Variants in TANGO6 observed in about 807,000 individuals in gnomAD.
TANGO6 encodes transport and Golgi organization protein 6 homolog.
A neutral mutation model predicts 114.2 loss-of-function variants in TANGO6; 90 were observed. That is an observed-to-expected ratio of 0.79 (90% CI 0.66 to 0.94). The LOEUF is 0.94. TANGO6 is among the 40% of genes least tolerant of loss of function. The pLI is 0.00. For missense variants in TANGO6, 1,274 were observed against 1,315.3 expected, an observed-to-expected ratio of 0.97 and a Z score of 0.49; for synonymous variants, 477 against 509.8, an observed-to-expected ratio of 0.94 and a Z score of 0.87.
intron 14 of TANGO6, among the ~76,000 whole-genome samples, chr16:68,942,769 C>T (rs558860505): frequency 6.4e-4 from 98 of 152,200 alleles, no homozygotes; most frequent in Non-Finnish European, 9.0e-4. Context: ...GTTATCATCT[C>T]AGGCCTTTTT....
chr16:69,067,692 C>G (rs1156598176), intron 17 of TANGO6, among the ~76,000 whole-genome samples: 1 of 151,982 alleles, frequency 6.6e-6, no homozygotes, highest in Non-Finnish European at 1.5e-5. Flanking sequence ...AATCCCAGCA[C>G]TTTGGGAGGC....
intron 16 of TANGO6, chr16:69,034,847 G>T (rs1229265689): frequency 6.6e-6 from 1 of 150,392 alleles, no homozygotes; most frequent in African/African-American, 2.4e-5. Context: ...TTAACCTGTA[G>T]ATAACATTCT....
chr16:68,850,254 G>A (rs2152150247), intron 1 of TANGO6, among the ~76,000 whole-genome samples: 1 of 152,224 alleles, frequency 6.6e-6, no homozygotes, highest in African/African-American at 2.4e-5. Context: ...TTACAGGTGT[G>A]AGCCACTGCG....
At chr16:68,933,785 C>T (rs1289925033) in intron 14 of TANGO6, 1 of 152,224 alleles carries the variant, frequency 6.6e-6, no homozygotes, top group East Asian at 1.9e-4. Context: ...TATGCTGTCC[C>T]TTTAGTGGGA....
At chr16:69,076,416 G>A (rs951901932) in intron 17 of TANGO6, among the ~76,000 whole-genome samples, 5 of 151,924 alleles carry the variant, frequency 3.3e-5, no homozygotes, top group Admixed American at 2.0e-4. Flanking sequence ...ATTTACATTC[G>A]ACCAACACTG....
intron 14 of TANGO6, among the ~76,000 whole-genome samples, 191 bp downstream of exon 14, chr16:68,930,486 A>G (rs1963225320): frequency 6.6e-6 from 1 of 152,082 alleles, no homozygotes; most frequent in African/African-American, 2.4e-5. Context: ...GTCCCTATAG[A>G]GTTTCAGTGT....
At chr16:68,845,391 T>C (rs189967945) in intron 1 of TANGO6, among the ~76,000 whole-genome samples, 1 of 152,342 alleles carries the variant, frequency 6.6e-6, no homozygotes, top group African/African-American at 2.4e-5. Context: ...TCTATGAGTA[T>C]GTGGTGGAGT....
chr16:68,956,842 G>A (rs1004388852), intron 14 of TANGO6, among the ~76,000 whole-genome samples: 4 of 152,036 alleles, frequency 2.6e-5, no homozygotes, highest in African/African-American at 9.7e-5. Flanking sequence ...GACGGAGTAA[G>A]TCTCTGTCTC....
At chr16:68,874,110 C>T (rs1209416581) in intron 4 of TANGO6, among the ~76,000 whole-genome samples, 2 of 152,178 alleles carry the variant, frequency 1.3e-5, no homozygotes, top group African/African-American at 2.4e-5. Context: ...GTATTTTCCT[C>T]ACACATACGT....
chr16:69,070,195 G>A (rs886343443), intron 17 of TANGO6, among the ~76,000 whole-genome samples: 2 of 151,798 alleles, frequency 1.3e-5, no homozygotes, highest in South Asian at 2.1e-4. Flanking sequence ...GCGATAGAGC[G>A]AGACTCCTTC....
intron 17 of TANGO6, among the ~76,000 whole-genome samples, chr16:69,070,264 C>G (rs1473498731): frequency 1.3e-5 from 2 of 151,854 alleles, no homozygotes; most frequent in Non-Finnish European, 2.9e-5. Flanking sequence ...ACTCCATAGA[C>G]AGAGTAGGGC....
At chr16:69,016,136 G>A (rs79043209) in intron 15 of TANGO6, among the ~76,000 whole-genome samples, 3,123 of 152,202 alleles carry the variant, frequency 0.021, 116 homozygotes, top group African/African-American at 0.071. Context: ...GCTAGAAGTA[G>A]GCTTCATGAA....
chr16:69,044,357 C>T (rs897322631), intron 17 of TANGO6, among the ~76,000 whole-genome samples: 9 of 152,042 alleles, frequency 5.9e-5, no homozygotes, highest in Admixed American at 2.0e-4. Flanking sequence ...TTATTTTTGC[C>T]GGGTGCGGTG....
intron 17 of TANGO6, among the ~76,000 whole-genome samples, chr16:69,066,795 AAAT>A (rs1282116240): frequency 2.0e-5 from 3 of 152,162 alleles, no homozygotes; most frequent in Non-Finnish European, 4.4e-5. Context: ...ATGGTAGTGA[AAAT>A]AATAACCACT....
intron 17 of TANGO6, among the ~76,000 whole-genome samples, chr16:69,049,476 A>G (rs575423691): frequency 5.0e-4 from 75 of 151,394 alleles, no homozygotes; most frequent in East Asian, 3.3e-3. Context: ...TTGTCCCCCA[A>G]GCTGGTGTAC....
At chr16:68,913,746 G>C (rs1887497989) in intron 11 of TANGO6, among the ~76,000 whole-genome samples, 1 of 152,022 alleles carries the variant, frequency 6.6e-6, no homozygotes, top group South Asian at 2.1e-4. Flanking sequence ...AGAAAAAAAG[G>C]AGCAGGCTCC....
intron 17 of TANGO6, among the ~76,000 whole-genome samples, chr16:69,054,371 T>C (rs2152238092): frequency 6.6e-6 from 1 of 152,250 alleles, no homozygotes; most frequent in Middle Eastern, 3.4e-3. Context: ...TACTCAGACA[T>C]ACTCTCAACC....
chr16:68,982,461 C>T (rs966015510), intron 15 of TANGO6, among the ~76,000 whole-genome samples: 1 of 152,060 alleles, frequency 6.6e-6, no homozygotes, highest in Middle Eastern at 3.4e-3. Context: ...TCCTGAGTAG[C>T]TGGGATTACA....
At chr16:68,965,945 A>G (rs1180509703) in intron 14 of TANGO6, among the ~76,000 whole-genome samples, 2 of 152,200 alleles carry the variant, frequency 1.3e-5, no homozygotes, top group Middle Eastern at 3.2e-3. Context: ...AAAGTGAACA[A>G]TTCAGACCAG....
Sources: allele counts gnomAD v4.1 joint callset (sites outside exome capture counted in the v4.1 genomes callset), GRCh38; gene constraint gnomAD v4.1.1; transcripts MANE v1.5; gene names NCBI Gene and HGNC (gene_info 2026-07-23, HGNC 2026-07-21).